SLC9A2: variants seen among roughly 807,000 people sequenced by gnomAD.
SLC9A2 encodes solute carrier family 9 member A2.
Under a neutral mutation model 71.7 loss-of-function variants are expected in SLC9A2, and 42 were observed. The observed-to-expected ratio is 0.59, with a 90% CI of 0.46 to 0.76. The LOEUF is 0.76. SLC9A2 is among the 30% of genes least tolerant of loss of function. SLC9A2 has a pLI of 0.00. For missense variants in SLC9A2, 829 were observed against 1,017.4 expected (o/e 0.81, Z 2.52); for synonymous variants, 396 against 392.5 (o/e 1.01, Z -0.10).
intron 5 of SLC9A2, among the ~76,000 whole-genome samples, chr2:102,691,793 A>G (rs1677668381): frequency 6.6e-6 from 1 of 152,186 alleles, no homozygotes; most frequent in African/African-American, 2.4e-5. Context: ...TGATTTATTT[A>G]TGGTAGCGCA....
intron 3 of SLC9A2, among the ~76,000 whole-genome samples, chr2:102,679,474 C>T (rs555312514): frequency 5.7e-4 from 86 of 151,926 alleles, no homozygotes; most frequent in African/African-American, 1.7e-3. Flanking sequence ...CTCTGCCTCC[C>T]GGGTTCACGC....
intron 1 of SLC9A2, among the ~76,000 whole-genome samples, chr2:102,644,213 C>A (rs1558705395): frequency 6.6e-6 from 1 of 151,978 alleles, no homozygotes; most frequent in Non-Finnish European, 1.5e-5. Context: ...TCACCTCACC[C>A]AGGAAGTGCA....
At chr2:102,702,572 G>A in intron 9 of SLC9A2, 70 bp downstream of exon 9, 1 of 879,964 alleles carries the variant, frequency 1.1e-6, no homozygotes, top group African/African-American at 1.7e-5. Context: ...GTTTTGTGCT[G>A]TAACTGGAGG....
chr2:102,631,303 T>G (rs927471249), intron 1 of SLC9A2, among the ~76,000 whole-genome samples: 78 of 151,294 alleles, frequency 5.2e-4, no homozygotes, highest in Middle Eastern at 3.2e-3. Flanking sequence ...TCTTTTTTTT[T>G]TGTGCTAGTA....
At chr2:102,675,467 C>T (rs1677331051) in intron 3 of SLC9A2, among the ~76,000 whole-genome samples, 1 of 152,132 alleles carries the variant, frequency 6.6e-6, no homozygotes, top group Admixed American at 6.6e-5. Context: ...ATGACACTTA[C>T]AACTGATAAA....
intron 1 of SLC9A2, among the ~76,000 whole-genome samples, chr2:102,657,223 T>C (rs898993820): frequency 6.6e-6 from 1 of 151,616 alleles, no homozygotes; most frequent in Non-Finnish European, 1.5e-5. Flanking sequence ...AAAATAATAA[T>C]AATAATAATA....
intron 1 of SLC9A2, among the ~76,000 whole-genome samples, chr2:102,645,959 T>C (rs1676715276): frequency 6.6e-6 from 1 of 151,984 alleles, no homozygotes; most frequent in African/African-American, 2.4e-5. Context: ...AGAACACAAC[T>C]AAGATACTCC....
At chr2:102,687,060 T>A (rs1677559906) in intron 5 of SLC9A2, among the ~76,000 whole-genome samples, 1 of 152,222 alleles carries the variant, frequency 6.6e-6, no homozygotes, top group Admixed American at 6.5e-5. Flanking sequence ...CAGTCTTTCC[T>A]CTTATTAGGT....
rs1558727399 is a variant in SLC9A2, at chr2:102,708,689, C to T, written c.*200C>T. 1.8e-6 allele frequency: 1 copy of T among 569,330 alleles called. No individual in the cohort carries two copies. Among genetic ancestry groups the T allele is most frequent in the Non-Finnish European group, 3.0e-6 (1 of 334,354 alleles). The allele number at this position is 569,330 out of a possible 1,614,324, so 35.3% of individuals were successfully genotyped here. On this transcript the variant is annotated 3_prime_UTR_variant, in exon 12 of 12. Coordinates refer to ENST00000233969, the MANE Select transcript of SLC9A2 (RefSeq NM_003048.6). ...GAATAAAAAATAGTCCCACAAAATA[C>T]CTTTTGTGACTAATGGGTAGCAATC... is the stretch of plus-strand genomic sequence containing the variant.
rs368824688 is a variant in SLC9A2, at chr2:102,693,944, C to T, written c.1426-470C>T. 5.3e-5 allele frequency among the ~76,000 whole-genome samples: 8 copies of T among 152,194 alleles called. No individual in the cohort carries two copies. The East Asian group carries it at 1.5e-3, about 29-fold the overall frequency. On this transcript the variant is annotated intron_variant, in intron 5 of 11. Coordinates refer to ENST00000233969, the MANE Select transcript of SLC9A2 (RefSeq NM_003048.6). ...ATAATACAACAAGTAGGTGATTCCT[C>T]TGAACTGGATAATACTTTATTATTA...
intron 1 of SLC9A2, among the ~76,000 whole-genome samples, chr2:102,645,914 C>T (rs150236305): frequency 0.013 from 2,008 of 152,202 alleles, 20 homozygotes; most frequent in Non-Finnish European, 0.019. Flanking sequence ...CCCAACCTAG[C>T]AAGACAGGCC....
At chr2:102,669,366 G>A (rs1677202105) in intron 3 of SLC9A2, among the ~76,000 whole-genome samples, 2 of 152,228 alleles carry the variant, frequency 1.3e-5, no homozygotes, top group Admixed American at 6.5e-5. Context: ...TAAGGTAAAT[G>A]CAATTCCCTG....
At chr2:102,647,048 C>T (rs1052900688) in intron 1 of SLC9A2, among the ~76,000 whole-genome samples, 7 of 152,130 alleles carry the variant, frequency 4.6e-5, no homozygotes, top group Middle Eastern at 3.4e-3. Context: ...CTAAAATTGA[C>T]CACCAAATTG....
At chr2:102,703,475 G>T (rs1395325636) in intron 9 of SLC9A2, among the ~76,000 whole-genome samples, 1 of 152,112 alleles carries the variant, frequency 6.6e-6, no homozygotes, top group East Asian at 1.9e-4. Flanking sequence ...AGTTTTTAAG[G>T]CTCCCCCAAC....
intron 1 of SLC9A2, among the ~76,000 whole-genome samples, chr2:102,636,412 CA>C (rs1676469794): frequency 1.3e-5 from 2 of 152,158 alleles, no homozygotes; most frequent in South Asian, 4.2e-4. Flanking sequence ...AAAATGAAAT[CA>C]GGTAGCAATT....
chr2:102,676,769 A>T (rs72999554), intron 3 of SLC9A2, among the ~76,000 whole-genome samples: 11,908 of 152,314 alleles, frequency 0.078, 1,057 homozygotes, highest in African/African-American at 0.22. Context: ...CAACGTGCCC[A>T]GAGTCACCAC....
intron 1 of SLC9A2, among the ~76,000 whole-genome samples, chr2:102,639,136 A>G (rs1676525214): frequency 6.6e-6 from 1 of 152,224 alleles, no homozygotes. Context: ...GTGAGTTATG[A>G]TTGCACTACT....
chr2:102,663,283 T>C (rs1480303677), intron 2 of SLC9A2, among the ~76,000 whole-genome samples: 1 of 152,164 alleles, frequency 6.6e-6, no homozygotes, highest in African/African-American at 2.4e-5. Flanking sequence ...TGATCTTGAG[T>C]GTTACACCAA....
intron 1 of SLC9A2, among the ~76,000 whole-genome samples, chr2:102,655,557 A>G (rs769741552): frequency 1.2e-4 from 18 of 152,238 alleles, no homozygotes; most frequent in Non-Finnish European, 2.4e-4. Context: ...GCCTAAGTCT[A>G]CACAGGGTCA....
Sources: gnomAD v4.1 joint callset for allele counts (sites outside exome capture counted in the v4.1 genomes callset) on GRCh38, gnomAD v4.1.1 for gene constraint, MANE v1.5 for transcripts, NCBI Gene and HGNC (gene_info 2026-07-23, HGNC 2026-07-21) for gene names.